Variants in PCDHGA10 observed in about 807,000 individuals in gnomAD.
PCDHGA10 encodes protocadherin gamma subfamily A, 10, also known as protocadherin gamma-A10.
PCDHGA10 carries 42 observed loss-of-function variants against 59.5 expected under a neutral mutation model. The ratio of observed to expected loss-of-function variants is 0.71; its 90% CI spans 0.55 to 0.91. The LOEUF (loss-of-function observed/expected upper bound fraction) is 0.91, where lower values mean the gene tolerates loss of function less well. Among genes scored for constraint, PCDHGA10 ranks in the 40% least tolerant of loss-of-function variants. The probability of loss-of-function intolerance (pLI) is 0.00; values close to 1 mark genes in which losing one functional copy is unlikely to be tolerated. For synonymous variants in PCDHGA10, 511 were observed against 517.2 expected, an observed-to-expected ratio of 0.99 and a Z score of 0.16; for missense variants, 1,111 against 1,198.2, an observed-to-expected ratio of 0.93 and a Z score of 1.07.
intron 1 of PCDHGA10, chr5:141,423,692 G>T: frequency 7.1e-7 from 1 of 1,405,756 alleles, no homozygotes; most frequent in Non-Finnish European, 9.4e-7. Context: ...CCTAATTGTT[G>T]GTGTCTTGGC....
chr5:141,417,704 A>G, intron 1 of PCDHGA10: 2 of 1,207,460 alleles, frequency 1.7e-6, no homozygotes, highest in Non-Finnish European at 1.1e-6. Context: ...GCTCCCACAC[A>G]GAGGCTCCCG....
At chr5:141,421,473 C>G (rs907282414) in intron 1 of PCDHGA10, 14 of 1,614,112 alleles carry the variant, frequency 8.7e-6, no homozygotes, top group African/African-American at 1.3e-5. Flanking sequence ...ATCCGCGAAG[C>G]GGCAGCTTGA....
At chr5:141,437,930 G>A (rs142381129) in intron 1 of PCDHGA10, among the ~76,000 whole-genome samples, 2,019 of 152,152 alleles carry the variant, frequency 0.013, 16 homozygotes, top group Middle Eastern at 0.034. Context: ...TAGAGATGGG[G>A]TTTCACCATA....
chr5:141,413,201 A>G lies in PCDHGA10; in HGVS notation c.26A>G (p.Lys9Arg), dbSNP rs746209535. 3 of 1,611,954 alleles carry G rather than the reference A, an allele frequency of 1.9e-6. No homozygotes were observed. The highest frequency in any genetic ancestry group is 2.5e-6 in the Non-Finnish European group (3 of 1,178,832). The change falls in exon 1 of 4, where the codon AAG (lysine) becomes AGG (arginine). Residue 9 changes from lysine to arginine, a missense_variant. Lys to Arg is a conservative substitution (Grantham distance 26, BLOSUM62 2). Coordinates refer to ENST00000398610, the MANE Select transcript of PCDHGA10 (RefSeq NM_018913.3). The part of the protein sequence containing the change: MAAQRNRS[K>R]ESKDCSGLVL... Reference sequence around the variant, plus strand: ...ATGGCCGCTCAAAGGAATCGCTCAAAGGAATCAAAGGATTGCAGCGGGCTG... The same window carrying G: ...ATGGCCGCTCAAAGGAATCGCTCAAGGGAATCAAAGGATTGCAGCGGGCTG...
chr5:141,449,718 G>A (rs2098653155), intron 1 of PCDHGA10, among the ~76,000 whole-genome samples: 2 of 150,760 alleles, frequency 1.3e-5, no homozygotes, highest in Admixed American at 6.6e-5. Flanking sequence ...ATTTTTATAT[G>A]ATATGATTTT....
chr5:141,420,191 CAAGAT>C, intron 1 of PCDHGA10: 1 of 1,613,720 alleles, frequency 6.2e-7, no homozygotes, highest in Non-Finnish European at 8.5e-7. Context: ...TCCAGCCACA[CAAGAT>C]AACCTCAACA....
chr5:141,481,780 C>T (rs781334437), intron 1 of PCDHGA10, among the ~76,000 whole-genome samples: 3 of 152,016 alleles, frequency 2.0e-5, no homozygotes, highest in African/African-American at 7.2e-5. Flanking sequence ...GGTGAAACCC[C>T]GTCTCTACTA....
intron 2 of PCDHGA10, among the ~76,000 whole-genome samples, chr5:141,497,540 C>A (rs866982821): frequency 7.4e-6 from 1 of 134,944 alleles, no homozygotes; most frequent in African/African-American, 2.8e-5. Context: ...TGCAACAAAC[C>A]TTTTTTTTTT....
chr5:141,494,237 G>A (rs555725765), intron 1 of PCDHGA10, among the ~76,000 whole-genome samples: 3 of 152,312 alleles, frequency 2.0e-5, no homozygotes, highest in East Asian at 3.9e-4. Flanking sequence ...AATTAATAAT[G>A]TATTTAGCTG....
At position 141,487,741 on chromosome 5, in the gene PCDHGA10, A is replaced by C. The variant is rs773413559; in HGVS notation, c.2437-7066A>C. 1.6e-4 allele frequency: 247 copies of C among 1,561,638 alleles called. 1 individual carries two copies. The highest frequency in any genetic ancestry group is 2.1e-4 in the Non-Finnish European group (244 of 1,151,698). On this transcript the variant is annotated intron_variant, in intron 1 of 3. Coordinates refer to ENST00000398610, the MANE Select transcript of PCDHGA10 (RefSeq NM_018913.3). This position sits in a 1 kb window ranked among gnomAD's most constrained non-coding sequence, Gnocchi z 5.0. ...ATAGTGATGTCACCATTTTTGTAAG[A>C]GGTAACTATGTGGTAGACGCTGTGC... is the stretch of plus-strand genomic sequence containing the variant.
intron 1 of PCDHGA10, chr5:141,475,971 C>T (rs750016455): frequency 2.1e-5 from 20 of 954,292 alleles, no homozygotes; most frequent in Non-Finnish European, 2.9e-5. Context: ...GAGGCAGAGA[C>T]TGAACAGCCG....
At chr5:141,462,996 G>A (rs2099050826) in intron 1 of PCDHGA10, among the ~76,000 whole-genome samples, 1 of 152,082 alleles carries the variant, frequency 6.6e-6, no homozygotes, top group South Asian at 2.1e-4. Flanking sequence ...GGCTAATTTA[G>A]ACCTACCACT....
intron 2 of PCDHGA10, among the ~76,000 whole-genome samples, chr5:141,499,885 G>A (rs945162089): frequency 2.6e-5 from 4 of 151,850 alleles, no homozygotes; most frequent in Non-Finnish European, 4.4e-5. Flanking sequence ...ACAGGGTTTC[G>A]CCATGTTGGC....
rs2095685833 is a variant in PCDHGA10 at position 141,413,850 on chromosome 5, C to G, written c.675C>G (p.Leu225=). 3 of 1,613,244 alleles carry G rather than the reference C, an allele frequency of 1.9e-6. No individual in the cohort carries two copies. Among genetic ancestry groups the G allele is most frequent in the East Asian group, 2.2e-5 (1 of 44,808 alleles). ...CCGCCTCCGACGGGGGTGACCCTCT[C>G]CGATCTGGCACTGTCCTTGTCAGTG... ...VLTASDGGDP[L]RSGTVLVSVT... is the part of the protein sequence containing the mutation. The change falls in exon 1 of 4, where the codon CTC becomes CTG. Residue 225 remains leucine (L), a synonymous_variant. Transcript: ENST00000398610.
intron 3 of PCDHGA10, among the ~76,000 whole-genome samples, chr5:141,509,907 C>T (rs149338646): frequency 3.3e-5 from 5 of 152,182 alleles, no homozygotes; most frequent in South Asian, 2.1e-4. Context: ...TTCCAGCATG[C>T]GCTTAGGTAC....
At chr5:141,423,067 G>C (rs757110751) in intron 1 of PCDHGA10, 36 of 1,614,024 alleles carry the variant, frequency 2.2e-5, no homozygotes, top group Non-Finnish European at 2.9e-5. Context: ...TAAGGCCAGC[G>C]AGCCGGGACT....
intron 2 of PCDHGA10, among the ~76,000 whole-genome samples, chr5:141,502,296 G>A (rs758304596): frequency 7.9e-5 from 12 of 151,130 alleles, no homozygotes; most frequent in Non-Finnish European, 1.2e-4. Context: ...TGGTTGTCAC[G>A]TCTTTCCTCT....
chr5:141,467,781 C>T (rs2099151581), intron 1 of PCDHGA10, among the ~76,000 whole-genome samples: 1 of 152,228 alleles, frequency 6.6e-6, no homozygotes, highest in South Asian at 2.1e-4. Context: ...ACCTCAGCCT[C>T]TCAAGTAGCT....
At chr5:141,473,131 A>G (rs1262205483) in intron 1 of PCDHGA10, among the ~76,000 whole-genome samples, 2 of 152,214 alleles carry the variant, frequency 1.3e-5, no homozygotes, top group Admixed American at 6.5e-5. Context: ...TTGGCAAACT[A>G]TATTATCTCT....
Sources: gnomAD v4.1 joint callset for allele counts (sites outside exome capture counted in the v4.1 genomes callset) on GRCh38, gnomAD v4.1.1 for gene constraint, Gnocchi (gnomAD v3.1) non-coding constraint, MANE v1.5 for transcripts, NCBI Gene and HGNC (gene_info 2026-07-23, HGNC 2026-07-21) for gene names.